The following ATG5 variants were observed in gnomAD, a reference collection of about 807,000 sequenced individuals.
ATG5 encodes autophagy related 5, also known as autophagy protein 5.
Under a neutral mutation model 36.5 loss-of-function variants are expected in ATG5, and 14 were observed. The ratio of observed to expected loss-of-function variants is 0.38; its 90% CI spans 0.25 to 0.60. The LOEUF is 0.60. Ranked by LOEUF, ATG5 falls within the 20% of genes least tolerant of loss-of-function variation. ATG5 has a pLI of 0.60. For missense variants in ATG5, 195 were observed against 326.7 expected, an observed-to-expected ratio of 0.60 and a Z score of 3.11; for synonymous variants, 95 against 101.5, an observed-to-expected ratio of 0.94 and a Z score of 0.38.
At chr6:106,260,235 T>C (rs995089798) in intron 5 of ATG5, among the ~76,000 whole-genome samples, 13 of 152,182 alleles carry the variant, frequency 8.5e-5, no homozygotes, top group Non-Finnish European at 1.6e-4. Context: ...TGTGCACATG[T>C]ACCCTAGAAC....
intron 6 of ATG5, among the ~76,000 whole-genome samples, chr6:106,231,663 G>A (rs781011145): frequency 1.3e-5 from 2 of 152,170 alleles, no homozygotes; most frequent in African/African-American, 2.4e-5. Context: ...TGACTCTACT[G>A]AAGGCCAACT....
intron 4 of ATG5, among the ~76,000 whole-genome samples, chr6:106,291,727 G>A (rs991782253): frequency 2.6e-5 from 4 of 152,212 alleles, no homozygotes; most frequent in African/African-American, 9.7e-5. Flanking sequence ...TAATATGTTT[G>A]AAGTAGTTTT....
chr6:106,294,600 T>C (rs1461733682), intron 3 of ATG5, among the ~76,000 whole-genome samples: 1 of 151,658 alleles, frequency 6.6e-6, no homozygotes, highest in Non-Finnish European at 1.5e-5. Context: ...GGTGGATCAC[T>C]TGACTTGAAG....
intron 7 of ATG5, among the ~76,000 whole-genome samples, chr6:106,187,947 A>C (rs1775834957): frequency 6.6e-6 from 1 of 152,248 alleles, no homozygotes; most frequent in African/African-American, 2.4e-5. Flanking sequence ...AAAACATTCC[A>C]AACTCCCAAA....
chr6:106,187,201 T>C, intron 7 of ATG5, among the ~76,000 whole-genome samples: 1 of 152,206 alleles, frequency 6.6e-6, no homozygotes. Context: ...TATCAAAATG[T>C]CTTAGAGATA....
At chr6:106,209,074 T>C (rs550656260) in intron 6 of ATG5, among the ~76,000 whole-genome samples, 17 of 152,208 alleles carry the variant, frequency 1.1e-4, no homozygotes, top group Non-Finnish European at 2.5e-4. Context: ...CACACACTGA[T>C]GGTACAAATG....
chr6:106,299,093 G>T (rs930225516), intron 3 of ATG5, among the ~76,000 whole-genome samples: 8 of 152,194 alleles, frequency 5.3e-5, no homozygotes, highest in African/African-American at 1.9e-4. Context: ...AGAAAAGCAA[G>T]TAGTAAGGAT....
intron 6 of ATG5, among the ~76,000 whole-genome samples, chr6:106,211,173 C>A (rs1220809844): frequency 6.6e-6 from 1 of 152,184 alleles, no homozygotes; most frequent in Non-Finnish European, 1.5e-5. Context: ...AGGAAGAATG[C>A]CATCAGAGTA....
At chr6:106,186,702 C>CA (rs1295087676) in intron 7 of ATG5, 26 bp from the exon 8 acceptor site, 1 of 1,609,210 alleles carries the variant, frequency 6.2e-7, no homozygotes, top group African/African-American at 1.3e-5. Flanking sequence ...AACCCAACAA[C>CA]AATAAAAGTC....
At chr6:106,198,722 G>A (rs1304656394) in intron 7 of ATG5, among the ~76,000 whole-genome samples, 1 of 151,884 alleles carries the variant, frequency 6.6e-6, no homozygotes, top group Admixed American at 6.6e-5. Flanking sequence ...GTTGCAGTTA[G>A]CCAAGATTGC....
At chr6:106,266,179 C>T (rs1313517048) in intron 5 of ATG5, among the ~76,000 whole-genome samples, 1 of 152,170 alleles carries the variant, frequency 6.6e-6, no homozygotes, top group Non-Finnish European at 1.5e-5. Flanking sequence ...TCACTGATCT[C>T]ACAAAAATAC....
chr6:106,262,688 T>G (rs75447497), intron 5 of ATG5, among the ~76,000 whole-genome samples: 3,746 of 151,932 alleles, frequency 0.025, 64 homozygotes, highest in African/African-American at 0.05. Flanking sequence ...GGTTAGGCAG[T>G]GGATCCAACC....
At chr6:106,247,924 T>C (rs1049448391) in intron 6 of ATG5, among the ~76,000 whole-genome samples, 2 of 152,198 alleles carry the variant, frequency 1.3e-5, no homozygotes, top group Non-Finnish European at 1.5e-5. Context: ...TTAGTAAGCA[T>C]GTGAATCTGC....
chr6:106,206,775 T>G (rs1776651630), intron 6 of ATG5, among the ~76,000 whole-genome samples: 1 of 152,156 alleles, frequency 6.6e-6, no homozygotes, highest in African/African-American at 2.4e-5. Context: ...GTACAGAGGT[T>G]CTTAAGGGCA....
At chr6:106,324,622 A>G (rs891566896) in intron 1 of ATG5, among the ~76,000 whole-genome samples, 1 of 152,236 alleles carries the variant, frequency 6.6e-6, no homozygotes, top group African/African-American at 2.4e-5. Context: ...AAATAAATAC[A>G]CACTTGAGGT....
At chr6:106,254,108 C>T (rs1778705880) in intron 5 of ATG5, among the ~76,000 whole-genome samples, 1 of 152,098 alleles carries the variant, frequency 6.6e-6, no homozygotes, top group Non-Finnish European at 1.5e-5. Flanking sequence ...AAATACCAAA[C>T]TTGCTCCCAT....
chr6:106,250,593 TG>T (rs1778535911), intron 5 of ATG5, among the ~76,000 whole-genome samples: 1 of 152,226 alleles, frequency 6.6e-6, no homozygotes, highest in Admixed American at 6.5e-5. Context: ...ATTCTGTCAA[TG>T]CTTAAAAAAG....
chr6:106,274,115 T>C (rs1277538476), intron 5 of ATG5, among the ~76,000 whole-genome samples: 1 of 152,194 alleles, frequency 6.6e-6, no homozygotes. Context: ...CTTTTTGGGA[T>C]TGTATACTCC....
In ATG5 at chr6:106,266,023, T is replaced by A. The variant is rs574315338; in HGVS notation, c.478+13638A>T. 8.1e-5 allele frequency among the ~76,000 whole-genome samples: 12 copies of A among 147,594 alleles called. No homozygotes were observed. In the South Asian group the frequency reaches 1.5e-3, roughly 18 times the overall value. On this transcript the variant is annotated intron_variant, in intron 5 of 7. Transcript: ENST00000369076. ...AGCAGAATTGAAGGAGATGGAGACA[T>A]GAAAAACCCTCAAAAAAAAAAAATC...
Sources: gnomAD v4.1 joint callset for allele counts (sites outside exome capture counted in the v4.1 genomes callset) on GRCh38, gnomAD v4.1.1 for gene constraint, MANE v1.5 for transcripts, NCBI Gene and HGNC (gene_info 2026-07-23, HGNC 2026-07-21) for gene names.